The following PKNOX2 variants were observed in gnomAD, a reference collection of about 807,000 sequenced individuals.
PKNOX2 encodes PBX/knotted 1 homeobox 2, also known as homeobox protein PKNOX2.
A neutral mutation model predicts 53.1 loss-of-function variants in PKNOX2; 14 were observed. The observed-to-expected ratio is 0.26, with a 90% CI of 0.17 to 0.41. The LOEUF (loss-of-function observed/expected upper bound fraction) is 0.41, where lower values mean the gene tolerates loss of function less well. Ranked by LOEUF, PKNOX2 falls within the 10% of genes least tolerant of loss-of-function variation. PKNOX2 has a pLI of 1.00. For missense variants in PKNOX2, 496 were observed against 602.8 expected, an observed-to-expected ratio of 0.82 and a Z score of 1.85; for synonymous variants, 257 against 242.8, an observed-to-expected ratio of 1.06 and a Z score of -0.54.
At chr11:125,372,085 A>G (rs1448831528) in intron 5 of PKNOX2, among the ~76,000 whole-genome samples, 1 of 152,202 alleles carries the variant, frequency 6.6e-6, no homozygotes, top group Non-Finnish European at 1.5e-5. Context: ...TAGACGAAGT[A>G]GCTACTGCAT....
At chr11:125,426,073 A>T (rs1956398928) in intron 10 of PKNOX2, among the ~76,000 whole-genome samples, 1 of 152,190 alleles carries the variant, frequency 6.6e-6, no homozygotes, top group Non-Finnish European at 1.5e-5. Context: ...TATTTGTGAC[A>T]TTCACTCAGA....
chr11:125,228,245 G>A (rs1941888385), intron 1 of PKNOX2, among the ~76,000 whole-genome samples: 1 of 152,208 alleles, frequency 6.6e-6, no homozygotes, highest in African/African-American at 2.4e-5. Context: ...GAAATGTGGT[G>A]AGTGAGAATG....
At chr11:125,344,381 G>A (rs189089293) in intron 3 of PKNOX2, among the ~76,000 whole-genome samples, 15 of 152,314 alleles carry the variant, frequency 9.8e-5, no homozygotes, top group Non-Finnish European at 2.1e-4. Context: ...GGAAATTGGG[G>A]GTTGGATGGG....
intron 2 of PKNOX2, among the ~76,000 whole-genome samples, chr11:125,323,338 A>G (rs1428902144): frequency 6.6e-6 from 1 of 152,198 alleles, no homozygotes; most frequent in Non-Finnish European, 1.5e-5. Context: ...GCTTTTTACC[A>G]TGCCTTCCAC....
chr11:125,210,058 C>T (rs1939643043), intron 1 of PKNOX2, among the ~76,000 whole-genome samples: 1 of 152,112 alleles, frequency 6.6e-6, no homozygotes, highest in African/African-American at 2.4e-5. Context: ...GGTCATCTCT[C>T]TGGCAGCAGG....
At position 125,228,122 on chromosome 11, in the gene PKNOX2, C is replaced by T. The variant is rs116016514; in HGVS notation, c.-200-6923C>T. ...CAGTTAAACAAAAAAGATACAATAG[C>T]CTTAACATTCTAGAGCAACTCAGTC... On this transcript the variant is annotated intron_variant, in intron 1 of 12. Transcript: ENST00000298282. 1.7e-3 allele frequency among the ~76,000 whole-genome samples: 259 copies of T among 152,304 alleles called. 1 individual carries two copies. The highest frequency in any genetic ancestry group is 5.9e-3 in the African/African-American group (246 of 41,566).
In PKNOX2 at chr11:125,370,727, G is replaced by A. The variant is rs1952481459; in HGVS notation, c.227+2742G>A. On this transcript the variant is annotated intron_variant, in intron 5 of 12. Coordinates refer to ENST00000298282, the MANE Select transcript of PKNOX2 (RefSeq NM_001382323.2). The surrounding 1 kb of genome is among the most constrained non-coding windows in gnomAD (Gnocchi z 4.1). ...ACCAGCCGCCCTCTCTGCAGCCATT[G>A]CCCCGGGATGACCAGGGAGGGAGCT... Among the ~76,000 whole-genome samples the A allele has an allele frequency of 6.6e-6, 1 of 152,248 alleles. No individual in the cohort carries two copies. The highest frequency in any genetic ancestry group is 1.5e-5 in the Non-Finnish European group (1 of 68,042).
At chr11:125,205,434 C>T (rs978448962) in intron 1 of PKNOX2, among the ~76,000 whole-genome samples, 22 of 152,200 alleles carry the variant, frequency 1.4e-4, no homozygotes, top group South Asian at 8.3e-4. Context: ...TTCTTGATCA[C>T]GGAGGGCAAA....
chr11:125,380,657 A>G (rs913233401), intron 5 of PKNOX2, among the ~76,000 whole-genome samples: 2 of 152,202 alleles, frequency 1.3e-5, no homozygotes, highest in Non-Finnish European at 2.9e-5. Context: ...CACTCCTGAA[A>G]AACCATTTTG....
chr11:125,264,142 G>A (rs1477764851), intron 2 of PKNOX2, among the ~76,000 whole-genome samples: 1 of 152,170 alleles, frequency 6.6e-6, no homozygotes, highest in Non-Finnish European at 1.5e-5. Context: ...AATCCTTAGA[G>A]GTGAAGATCC....
chr11:125,266,741 C>G (rs1209965792), intron 2 of PKNOX2: 1 of 152,230 alleles, frequency 6.6e-6, no homozygotes, highest in African/African-American at 2.4e-5. Context: ...TCCTTGAGCC[C>G]TTTCCTTACA....
intron 7 of PKNOX2, among the ~76,000 whole-genome samples, chr11:125,401,654 G>A (rs1298962355): frequency 1.3e-5 from 2 of 152,152 alleles, no homozygotes; most frequent in Non-Finnish European, 2.9e-5. Context: ...GCTCTCCCAG[G>A]AAGGAGAGGC....
At chr11:125,191,370 T>C (rs1956866812) in intron 1 of PKNOX2, 4 of 152,180 alleles carry the variant, frequency 2.6e-5, no homozygotes, top group Admixed American at 1.3e-4. Context: ...TGTGTAGGAA[T>C]TTAGAAAGCA....
chr11:125,414,352 ACAGGTG>A (rs1955751828), intron 10 of PKNOX2, among the ~76,000 whole-genome samples: 2 of 152,186 alleles, frequency 1.3e-5, no homozygotes, highest in Admixed American at 6.5e-5. Context: ...GGCAGTGGGC[ACAGGTG>A]CAGGTGCCAT....
chr11:125,386,816 G>A (rs888973425), intron 6 of PKNOX2, among the ~76,000 whole-genome samples: 2 of 151,238 alleles, frequency 1.3e-5, no homozygotes, highest in South Asian at 2.1e-4. Flanking sequence ...CCACACCACC[G>A]CTTCTCTCAA....
At chr11:125,181,264 C>T (rs12224217) in intron 1 of PKNOX2, among the ~76,000 whole-genome samples, 23 of 151,770 alleles carry the variant, frequency 1.5e-4, no homozygotes, top group Admixed American at 1.4e-3. Flanking sequence ...CTCTCACCAG[C>T]ACTCATCCTC....
chr11:125,391,986 T>C (rs1441043038), intron 6 of PKNOX2, among the ~76,000 whole-genome samples: 1 of 151,952 alleles, frequency 6.6e-6, no homozygotes, highest in Non-Finnish European at 1.5e-5. Context: ...GAGACAAAAA[T>C]CCAAAATTGT....
chr11:125,357,639 G>A (rs1951691094), intron 4 of PKNOX2, among the ~76,000 whole-genome samples: 1 of 152,140 alleles, frequency 6.6e-6, no homozygotes, highest in Non-Finnish European at 1.5e-5. Context: ...TTCGCACGCC[G>A]TTGGTCTTAG....
At chr11:125,306,793 A>G (rs1948490491) in intron 2 of PKNOX2, among the ~76,000 whole-genome samples, 1 of 152,162 alleles carries the variant, frequency 6.6e-6, no homozygotes, top group South Asian at 2.1e-4. Flanking sequence ...AGGTCGGACC[A>G]TGGGCTCTCT....
Sources: allele counts gnomAD v4.1 joint callset (sites outside exome capture counted in the v4.1 genomes callset), GRCh38; gene constraint gnomAD v4.1.1; non-coding constraint Gnocchi (gnomAD v3.1); transcripts MANE v1.5; gene names NCBI Gene and HGNC (gene_info 2026-07-23, HGNC 2026-07-21).